NFIB: variants seen among roughly 807,000 people sequenced by gnomAD.
NFIB encodes the protein nuclear factor 1 B-type.
In NFIB, 11 loss-of-function variants were observed where a neutral mutation model predicts 61.5. That is an observed-to-expected ratio of 0.18 (90% CI 0.11 to 0.30). NFIB has a LOEUF of 0.30. Ranked by LOEUF, NFIB falls within the 10% of genes least tolerant of loss-of-function variation. The pLI is 1.00. For missense variants in NFIB, 471 were observed against 608.9 expected, an observed-to-expected ratio of 0.77 and a Z score of 2.38; for synonymous variants, 260 against 216.5, an observed-to-expected ratio of 1.20 and a Z score of -1.76.
chr9:14,125,064 C>T (rs1240117821), intron 7 of NFIB, among the ~76,000 whole-genome samples: 1 of 152,152 alleles, frequency 6.6e-6, no homozygotes, highest in African/African-American at 2.4e-5. Context: ...GCTATGTACC[C>T]ATATTTTCCA....
At chr9:14,526,019 C>T in the NFIB span, among the ~76,000 whole-genome samples, 3 of 152,090 alleles carry the variant, frequency 2.0e-5, no homozygotes, top group Non-Finnish European at 4.4e-5. Context: ...CAGGTTGGAG[C>T]GACATGTAAT....
chr9:14,131,930 T>C (rs2040452268), intron 6 of NFIB, among the ~76,000 whole-genome samples: 1 of 152,140 alleles, frequency 6.6e-6, no homozygotes, highest in South Asian at 2.1e-4. Flanking sequence ...ACCTGCTCCT[T>C]TTTCACATAT....
intron 8 of NFIB, among the ~76,000 whole-genome samples, chr9:14,117,336 C>A (rs570397780): frequency 6.6e-6 from 1 of 152,146 alleles, no homozygotes; most frequent in African/African-American, 2.4e-5. Flanking sequence ...TAAGGATACA[C>A]TCTTTGAAGA....
chr9:14,307,777 T>C lies in NFIB; in HGVS notation c.31-257A>G, dbSNP rs1563996437. 1 of 349,584 alleles carries C rather than the reference T, an allele frequency of 2.9e-6. No individual in the cohort carries two copies. The highest frequency in any genetic ancestry group is 5.3e-5 in the South Asian group (1 of 18,868). The allele number at this position is 349,584 out of a possible 1,614,324, so 21.7% of individuals were successfully genotyped here. ...TAAAGGAAATAAGGTTTATATTTTG[T>C]ATTACACTCTGGCCCCATCCCCCTT... On this transcript the variant is annotated intron_variant, in intron 1 of 10. Coordinates refer to ENST00000380953, the MANE Select transcript of NFIB (RefSeq NM_001190737.2). The surrounding 1 kb of genome is among the most constrained non-coding windows in gnomAD (Gnocchi z 5.3).
At chr9:14,226,582 AT>A (rs2052454610) in intron 2 of NFIB, among the ~76,000 whole-genome samples, 5 of 152,076 alleles carry the variant, frequency 3.3e-5, no homozygotes, top group African/African-American at 1.2e-4. Flanking sequence ...ATATATAAGC[AT>A]ATTAGTCTTA....
chr9:14,525,154 G>A, the NFIB span, among the ~76,000 whole-genome samples: 1 of 152,154 alleles, frequency 6.6e-6, no homozygotes, highest in Non-Finnish European at 1.5e-5. Flanking sequence ...GCTCTGGAGC[G>A]AGTGTCCTGG....
Position 14,314,111 on chromosome 9 carries a change from T to C in NFIB, c.-600A>G, listed in dbSNP as rs2060425444. The C allele has an allele frequency of 1.0e-6, 1 of 998,452 alleles. No individual in the cohort carries two copies. The highest frequency in any genetic ancestry group is 6.3e-5 in the Admixed American group (1 of 15,862). The allele number at this position is 998,452 out of a possible 1,614,324, so 61.8% of individuals were successfully genotyped here. A position where few individuals can be genotyped will look rare whatever the true frequency, so the allele number is the denominator to read the frequency against. ...GAAACTTTGCCGCGAGCCGACCATG[T>C]GTGTGCGCGAGGGGCAGCGTGAGCG... On this transcript the variant is annotated 5_prime_UTR_variant, in exon 1 of 11. Transcript: ENST00000380953.
chr9:14,421,677 ACAAAG>A, the NFIB span, among the ~76,000 whole-genome samples: 2 of 152,258 alleles, frequency 1.3e-5, no homozygotes, highest in African/African-American at 4.8e-5. Flanking sequence ...ATACATTTCG[ACAAAG>A]CAAAGGATGC....
chr9:14,389,046 G>A (rs2061589258), intron 1 of NFIB, among the ~76,000 whole-genome samples: 2 of 152,192 alleles, frequency 1.3e-5, no homozygotes, highest in Admixed American at 1.3e-4. Context: ...ATCATAGTGT[G>A]TAGCTTTGGA....
chr9:14,418,954 G>T, the NFIB span, among the ~76,000 whole-genome samples: 1 of 152,108 alleles, frequency 6.6e-6, no homozygotes, highest in African/African-American at 2.4e-5. Flanking sequence ...GGAAATAGGG[G>T]TTAGAGTTTC....
At chr9:14,494,345 T>A in the NFIB span, among the ~76,000 whole-genome samples, 1 of 152,244 alleles carries the variant, frequency 6.6e-6, no homozygotes, top group Non-Finnish European at 1.5e-5. Context: ...CTGGGCTTAT[T>A]GTCAGACTTC....
chr9:14,460,424 G>A, the NFIB span, among the ~76,000 whole-genome samples: 1 of 151,684 alleles, frequency 6.6e-6, no homozygotes, highest in Non-Finnish European at 1.5e-5. Flanking sequence ...TGTAAATGAC[G>A]AGTTAATGGG....
chr9:14,277,922 C>T (rs2058110282), intron 2 of NFIB, among the ~76,000 whole-genome samples: 1 of 152,112 alleles, frequency 6.6e-6, no homozygotes, highest in African/African-American at 2.4e-5. Flanking sequence ...AATTACCATG[C>T]ACAACAGTAG....
chr9:14,208,546 T>A (rs564176913), intron 2 of NFIB, among the ~76,000 whole-genome samples: 2 of 151,988 alleles, frequency 1.3e-5, no homozygotes, highest in Non-Finnish European at 2.9e-5. Context: ...TTTCCTGGTA[T>A]TTTTACTTAA....
chr9:14,341,947 A>C (rs2060956285), intron 1 of NFIB, among the ~76,000 whole-genome samples: 1 of 152,152 alleles, frequency 6.6e-6, no homozygotes, highest in Non-Finnish European at 1.5e-5. Flanking sequence ...AGGAAAAAAA[A>C]AAAAAAAAAT....
At chr9:14,361,264 T>TAAAAAAAAAAA (rs34183553) in intron 1 of NFIB, 1 of 138,762 alleles carries the variant, frequency 7.2e-6, no homozygotes. Context: ...TCAGAATTCT[T>TAAAAAAAAAAA]AAAAAAAAAA....
At chr9:14,100,662 C>G (rs1012607398) in intron 10 of NFIB, among the ~76,000 whole-genome samples, 2 of 152,176 alleles carry the variant, frequency 1.3e-5, no homozygotes, top group African/African-American at 4.8e-5. Flanking sequence ...TGCAGTGAGC[C>G]GAGATTGCGC....
intron 2 of NFIB, among the ~76,000 whole-genome samples, chr9:14,281,852 T>G (rs1169942251): frequency 6.6e-6 from 1 of 151,940 alleles, no homozygotes; most frequent in Non-Finnish European, 1.5e-5. Flanking sequence ...CCACACGTGT[T>G]TTTTTTAGGG....
intron 5 of NFIB, among the ~76,000 whole-genome samples, chr9:14,148,889 T>C (rs138185171): frequency 6.6e-6 from 1 of 152,314 alleles, no homozygotes; most frequent in East Asian, 1.9e-4. Flanking sequence ...TTTAAACATA[T>C]TCTCTCATCT....
Sources: gnomAD v4.1 joint callset for allele counts (sites outside exome capture counted in the v4.1 genomes callset) on GRCh38, gnomAD v4.1.1 for gene constraint, Gnocchi (gnomAD v3.1) non-coding constraint, MANE v1.5 for transcripts, NCBI Gene and HGNC (gene_info 2026-07-23, HGNC 2026-07-21) for gene names.